DAP: variants seen among roughly 807,000 people sequenced by gnomAD.
DAP encodes the protein death-associated protein 1.
A neutral mutation model predicts 13.8 loss-of-function variants in DAP; 8 were observed. The observed-to-expected ratio is 0.58, with a 90% CI of 0.34 to 1.05. The LOEUF (loss-of-function observed/expected upper bound fraction) is 1.05, where lower values mean the gene tolerates loss of function less well. Among genes scored for constraint, DAP ranks in the 50% least tolerant of loss-of-function variants. The probability of loss-of-function intolerance (pLI) is 0.03; values close to 1 mark genes in which losing one functional copy is unlikely to be tolerated. For missense variants in DAP, 106 were observed against 133.2 expected, an observed-to-expected ratio of 0.80 and a Z score of 1.01; for synonymous variants, 47 against 47.5, an observed-to-expected ratio of 0.99 and a Z score of 0.04.
intron 2 of DAP, among the ~76,000 whole-genome samples, chr5:10,701,435 T>G (rs764535270): frequency 2.0e-5 from 3 of 152,206 alleles, no homozygotes; most frequent in Non-Finnish European, 4.4e-5. Context: ...CCAGCATCTT[T>G]ATGGTTCAGT....
rs567833691 is a variant in DAP at position 10,759,110 on chromosome 5, C to T, written c.55+1904G>A. Among the ~76,000 whole-genome samples the T allele has an allele frequency of 1.3e-3, 197 of 150,282 alleles. 1 individual carries two copies. The highest frequency in any genetic ancestry group is 0.01 in the Middle Eastern group (3 of 286). On this transcript the variant is annotated intron_variant, in intron 1 of 3. Transcript: ENST00000230895. ...GCTGAGGCAGGAGAATCTCTTGAAC[C>T]TAGAAGGCGGAGGTTGCAGTGAGCC...
chr5:10,697,414 T>A (rs1236394074), intron 2 of DAP, among the ~76,000 whole-genome samples: 2 of 152,208 alleles, frequency 1.3e-5, no homozygotes, highest in Admixed American at 1.3e-4. Context: ...CTAAAAACCG[T>A]TCCATCTTTG....
intron 2 of DAP, among the ~76,000 whole-genome samples, chr5:10,735,825 A>G (rs1739595975): frequency 6.6e-6 from 1 of 152,220 alleles, no homozygotes; most frequent in South Asian, 2.1e-4. Context: ...AGAGCCAGGT[A>G]CTGCCAGCTG....
In DAP at chr5:10,747,037, A is replaced by T. The variant is rs913691832; in HGVS notation, c.152+1138T>A. ...TGGGGTTCTGTTTCCTTGTACATAAACTGGGGAGAATACCACCTACTATTC... is the reference window on the plus strand; with the variant it reads ...TGGGGTTCTGTTTCCTTGTACATAATCTGGGGAGAATACCACCTACTATTC... On this transcript the variant is annotated intron_variant, in intron 2 of 3. Transcript: ENST00000230895. 2.1e-4 allele frequency among the ~76,000 whole-genome samples: 32 copies of T among 152,322 alleles called. No homozygotes were observed. The East Asian group carries it at 4.8e-3, about 23-fold the overall frequency.
intron 1 of DAP, among the ~76,000 whole-genome samples, chr5:10,749,798 C>A (rs1444744788): frequency 1.4e-5 from 2 of 141,492 alleles, no homozygotes; most frequent in Non-Finnish European, 3.0e-5. Flanking sequence ...ATCAGGGCTA[C>A]AGTGTTCCAT....
chr5:10,706,174 CTT>C lies in DAP; in HGVS notation c.153-22605_153-22604del, dbSNP rs150718206. On this transcript the variant is annotated intron_variant, in intron 2 of 3. Transcript: ENST00000230895. ...ATCCACTTACAGGGTGTTAGGATAACTTTTAGTTCTAGGTGCTTGACTATAAA... is the reference window on the plus strand; with the variant it reads ...ATCCACTTACAGGGTGTTAGGATAACTTAGTTCTAGGTGCTTGACTATAAA... 4.5e-4 allele frequency among the ~76,000 whole-genome samples: 69 copies of C among 152,322 alleles called. No homozygotes were observed. In the East Asian group the frequency reaches 0.011, roughly 25 times the overall value.
intron 2 of DAP, among the ~76,000 whole-genome samples, chr5:10,706,756 A>G (rs1738706259): frequency 6.6e-6 from 1 of 152,222 alleles, no homozygotes; most frequent in Non-Finnish European, 1.5e-5. Context: ...AATTTAATAC[A>G]TTAAATTGTA....
intron 1 of DAP, among the ~76,000 whole-genome samples, chr5:10,754,622 C>A (rs1468739275): frequency 6.6e-6 from 1 of 152,176 alleles, no homozygotes; most frequent in Non-Finnish European, 1.5e-5. Flanking sequence ...AGGATGGGCA[C>A]CTTGCCGGAC....
intron 2 of DAP, among the ~76,000 whole-genome samples, chr5:10,693,516 G>T (rs1561009248): frequency 6.6e-6 from 1 of 152,190 alleles, no homozygotes; most frequent in Admixed American, 6.5e-5. Context: ...GCTCCCCTTA[G>T]AAGTGCTGTA....
intron 1 of DAP, among the ~76,000 whole-genome samples, chr5:10,755,927 C>T (rs1408350705): frequency 2.0e-5 from 3 of 152,288 alleles, no homozygotes; most frequent in Admixed American, 6.5e-5. Context: ...GTGGGCAGGT[C>T]GCTTGAGCCC....
At chr5:10,749,666 A>T (rs779819738) in intron 1 of DAP, among the ~76,000 whole-genome samples, 1 of 150,844 alleles carries the variant, frequency 6.6e-6, no homozygotes, top group South Asian at 2.1e-4. Flanking sequence ...CTTGGCCCTT[A>T]GTGTGCTACC....
At chr5:10,746,128 T>C (rs936496924) in intron 2 of DAP, among the ~76,000 whole-genome samples, 3 of 152,200 alleles carry the variant, frequency 2.0e-5, no homozygotes, top group African/African-American at 4.8e-5. Context: ...TAGGGGGTAC[T>C]ATGTGGTATA....
At chr5:10,720,969 G>T (rs62338812) in intron 2 of DAP, among the ~76,000 whole-genome samples, 13,703 of 152,150 alleles carry the variant, frequency 0.09, 837 homozygotes, top group African/African-American at 0.18. Flanking sequence ...ACCAAGGCAC[G>T]CACTTTATGA....
At chr5:10,684,447 T>C (rs5745285) in intron 2 of DAP, among the ~76,000 whole-genome samples, 33 of 152,140 alleles carry the variant, frequency 2.2e-4, no homozygotes, top group Admixed American at 2.0e-3. Flanking sequence ...ATTGAGGGAA[T>C]GGATGCAGTA....
intron 2 of DAP, among the ~76,000 whole-genome samples, chr5:10,709,909 C>A (rs1010943276): frequency 6.6e-6 from 1 of 152,188 alleles, no homozygotes; most frequent in Non-Finnish European, 1.5e-5. Context: ...ATGGATTCAC[C>A]TGGGACTGGT....
chr5:10,695,130 G>A (rs748314135), intron 2 of DAP, among the ~76,000 whole-genome samples: 25 of 152,234 alleles, frequency 1.6e-4, no homozygotes, highest in Non-Finnish European at 3.2e-4. Flanking sequence ...CGTCTCACTC[G>A]ATTGCACCCA....
intron 2 of DAP, among the ~76,000 whole-genome samples, chr5:10,742,767 G>A (rs1739792393): frequency 6.6e-6 from 1 of 152,104 alleles, no homozygotes; most frequent in Non-Finnish European, 1.5e-5. Context: ...GGGGAATGGT[G>A]TTTAGACACC....
intron 2 of DAP, among the ~76,000 whole-genome samples, chr5:10,730,290 C>T (rs1579809554): frequency 1.3e-5 from 2 of 152,186 alleles, no homozygotes; most frequent in African/African-American, 2.4e-5. Flanking sequence ...CCACGTGCAG[C>T]GAGTGGATGC....
chr5:10,722,046 T>C (rs956778865), intron 2 of DAP, among the ~76,000 whole-genome samples: 1 of 152,214 alleles, frequency 6.6e-6, no homozygotes, highest in Non-Finnish European at 1.5e-5. Context: ...CTTATTGTAT[T>C]TGAAGATTAT....
Sources: allele counts gnomAD v4.1 joint callset (sites outside exome capture counted in the v4.1 genomes callset), GRCh38; gene constraint gnomAD v4.1.1; transcripts MANE v1.5; gene names NCBI Gene and HGNC (gene_info 2026-07-23, HGNC 2026-07-21).